The following BACH2 variants were observed in gnomAD, a reference collection of about 807,000 sequenced individuals.
BACH2 encodes BACH transcriptional regulator 2.
In BACH2, 5 loss-of-function variants were observed where a neutral mutation model predicts 61.8. The observed-to-expected ratio is 0.08, with a 90% CI of 0.04 to 0.17. BACH2 has a LOEUF of 0.17. Among genes scored for constraint, BACH2 ranks in the 10% least tolerant of loss-of-function variants. The pLI, the probability that BACH2 is intolerant of heterozygous loss-of-function variation, is 1.00. For missense variants in BACH2, 824 were observed against 1,091.1 expected, an observed-to-expected ratio of 0.76 and a Z score of 3.45; for synonymous variants, 446 against 440.1, an observed-to-expected ratio of 1.01 and a Z score of -0.17.
At chr6:90,038,081 T>G (rs1050067619) in intron 5 of BACH2, among the ~76,000 whole-genome samples, 2 of 152,252 alleles carry the variant, frequency 1.3e-5, no homozygotes, top group Non-Finnish European at 2.9e-5. Flanking sequence ...AATACATTTC[T>G]GTTGTAAGGC....
chr6:90,219,652 C>T (rs544866505), intron 3 of BACH2, among the ~76,000 whole-genome samples: 1 of 152,280 alleles, frequency 6.6e-6, no homozygotes, highest in African/African-American at 2.4e-5. Flanking sequence ...TCGGGCTCTA[C>T]CCCTTCCTCA....
chr6:90,178,126 G>T (rs1332005079), intron 4 of BACH2, among the ~76,000 whole-genome samples: 1 of 152,134 alleles, frequency 6.6e-6, no homozygotes, highest in Non-Finnish European at 1.5e-5. Context: ...TAAATAATGT[G>T]CAGGGTGTGA....
At chr6:90,087,507 C>T (rs1368203608) in intron 5 of BACH2, among the ~76,000 whole-genome samples, 2 of 152,120 alleles carry the variant, frequency 1.3e-5, no homozygotes, top group Non-Finnish European at 2.9e-5. Context: ...TACATGTGTC[C>T]AAATGTACAT....
At chr6:90,200,867 G>C (rs1435948178) in intron 4 of BACH2, among the ~76,000 whole-genome samples, 2 of 152,100 alleles carry the variant, frequency 1.3e-5, no homozygotes, top group African/African-American at 4.8e-5. Context: ...TAGTATGAAA[G>C]AAATGCACAT....
At chr6:90,099,854 C>A (rs72925941) in intron 4 of BACH2, among the ~76,000 whole-genome samples, 14 of 151,986 alleles carry the variant, frequency 9.2e-5, no homozygotes, top group Non-Finnish European at 1.3e-4. Context: ...CAGAGTTGTG[C>A]GACCATCACC....
At position 90,008,968 on chromosome 6, in the gene BACH2, C is replaced by G; in HGVS notation, c.-12-112G>C. The G allele has an allele frequency of 7.6e-7, 1 of 1,307,982 alleles. No homozygotes were observed. The highest frequency in any genetic ancestry group is 1.0e-6 in the Non-Finnish European group (1 of 964,914). The allele number at this position is 1,307,982 out of a possible 1,614,324, so 81.0% of individuals were successfully genotyped here. ...CATCATGGTTCCTGTGTCCCACTGC[C>G]ATGAGCATGGCAGGAAGGAGGGGAA... On this transcript the variant is annotated intron_variant, in intron 5 of 8. Coordinates refer to ENST00000257749, the MANE Select transcript of BACH2 (RefSeq NM_021813.4). The surrounding 1 kb of genome is among the most constrained non-coding windows in gnomAD (Gnocchi z 4.1).
chr6:89,987,022 T>G (rs940866733), intron 6 of BACH2, among the ~76,000 whole-genome samples: 1 of 152,152 alleles, frequency 6.6e-6, no homozygotes, highest in Non-Finnish European at 1.5e-5. Context: ...GACCCAGCCT[T>G]CCGTCGCCTA....
At chr6:90,258,226 T>G (rs958332300) in intron 2 of BACH2, among the ~76,000 whole-genome samples, 1 of 152,234 alleles carries the variant, frequency 6.6e-6, no homozygotes, top group Non-Finnish European at 1.5e-5. Flanking sequence ...TTATCAATTT[T>G]GAGTTGATTT....
At chr6:89,947,002 G>C (rs1326034010) in intron 7 of BACH2, among the ~76,000 whole-genome samples, 6 of 152,230 alleles carry the variant, frequency 3.9e-5, no homozygotes, top group African/African-American at 1.4e-4. Flanking sequence ...TACAAGGTAT[G>C]TTAACACTTC....
At chr6:90,073,729 T>A (rs1312359864) in intron 5 of BACH2, among the ~76,000 whole-genome samples, 1 of 152,166 alleles carries the variant, frequency 6.6e-6, no homozygotes, top group African/African-American at 2.4e-5. Context: ...AAGTTTTCCT[T>A]AAAGGTTCAA....
intron 1 of BACH2, among the ~76,000 whole-genome samples, chr6:90,285,802 T>A (rs1772002236): frequency 6.6e-6 from 1 of 152,196 alleles, no homozygotes; most frequent in South Asian, 2.1e-4. Context: ...AGCTGAGTGC[T>A]ACAACAGCTG....
At position 89,932,168 on chromosome 6, in the gene BACH2, C is replaced by A; in HGVS notation, c.*240G>T. ...AGACTGAAATTGAGCCACAGACAGA[C>A]AGTGTCATCACTGCTGTCTTTCCTT... On this transcript the variant is annotated 3_prime_UTR_variant, in exon 9 of 9. Transcript: ENST00000257749. The A allele has an allele frequency of 2.1e-6, 1 of 471,238 alleles. No homozygotes were observed. The highest frequency in any genetic ancestry group is 3.8e-6 in the Non-Finnish European group (1 of 264,782). 29.2% of individuals were successfully genotyped at this position (471,238 alleles called of 1,614,324 possible).
rs1463394574 is a variant in BACH2, at chr6:90,126,123, C to T, written c.-161-37014G>A. On this transcript the variant is annotated intron_variant, in intron 4 of 8. Coordinates refer to ENST00000257749, the MANE Select transcript of BACH2 (RefSeq NM_021813.4). ...ATAAACATATTTTAGGATGTTAGAA[C>T]AAGCAGGTCCCATTACAAAACCTGA... 2.0e-5 allele frequency among the ~76,000 whole-genome samples: 3 copies of T among 152,166 alleles called. No individual in the cohort carries two copies. The East Asian group carries it at 5.8e-4, about 29-fold the overall frequency.
intron 6 of BACH2, among the ~76,000 whole-genome samples, chr6:89,987,810 T>C (rs910844448): frequency 6.6e-6 from 1 of 152,178 alleles, no homozygotes; most frequent in Non-Finnish European, 1.5e-5. Context: ...GCCTTATTTT[T>C]TAACCTCCAA....
chr6:90,009,926 A>G (rs960886718), intron 5 of BACH2, among the ~76,000 whole-genome samples: 1 of 152,230 alleles, frequency 6.6e-6, no homozygotes, highest in Non-Finnish European at 1.5e-5. Flanking sequence ...CGGCCTCCCA[A>G]AGTGCTGGGA....
chr6:90,158,380 T>A (rs929954671), intron 4 of BACH2, among the ~76,000 whole-genome samples: 1 of 152,178 alleles, frequency 6.6e-6, no homozygotes, highest in Non-Finnish European at 1.5e-5. Context: ...GCAAAATGCA[T>A]ACTTCTAGCC....
intron 6 of BACH2, among the ~76,000 whole-genome samples, chr6:89,978,316 C>T (rs1775765865): frequency 6.6e-6 from 1 of 152,140 alleles, no homozygotes; most frequent in South Asian, 2.1e-4. Context: ...GCATGAATAA[C>T]ATGCAACAGA....
intron 6 of BACH2, among the ~76,000 whole-genome samples, chr6:89,995,624 G>A (rs991149412): frequency 6.6e-6 from 1 of 152,152 alleles, no homozygotes; most frequent in African/African-American, 2.4e-5. Flanking sequence ...TATAATAATA[G>A]TGTCCATCAA....
intron 6 of BACH2, 173 bp from the exon 7 acceptor site, chr6:89,952,035 G>A: frequency 1.3e-6 from 1 of 743,446 alleles, no homozygotes; most frequent in Middle Eastern, 3.9e-4. Context: ...AATAATTAGT[G>A]CCTGTCTCGT....
Sources: gnomAD v4.1 joint callset for allele counts (sites outside exome capture counted in the v4.1 genomes callset) on GRCh38, gnomAD v4.1.1 for gene constraint, Gnocchi (gnomAD v3.1) non-coding constraint, MANE v1.5 for transcripts, NCBI Gene and HGNC (gene_info 2026-07-23, HGNC 2026-07-21) for gene names.